Variants in ALK observed in about 807,000 individuals in gnomAD.
ALK encodes the protein ALK receptor tyrosine kinase.
Under a neutral mutation model 163.1 loss-of-function variants are expected in ALK, and 74 were observed. That is an observed-to-expected ratio of 0.45 (90% CI 0.38 to 0.55). ALK has a LOEUF of 0.55. Ranked by LOEUF, ALK falls within the 20% of genes least tolerant of loss-of-function variation. The pLI is 0.00. For synonymous variants in ALK, 960 were observed against 843.2 expected (o/e 1.14, Z -2.40); for missense variants, 2,063 against 2,105.3 (o/e 0.98, Z 0.39).
chr2:29,599,541 G>C (rs1675317608), intron 3 of ALK, among the ~76,000 whole-genome samples: 1 of 152,160 alleles, frequency 6.6e-6, no homozygotes, highest in African/African-American at 2.4e-5. Context: ...GTGTGACCAG[G>C]GCTTTGTTTG....
chr2:29,202,034 C>A lies in ALK; in HGVS notation c.3939-4358G>T, dbSNP rs537046478. ...ATGGTGTTTAGAATAAAATCCACAT[C>A]CCCCATCTGAGTTCCAAGGCCGTCT... On this transcript the variant is annotated intron_variant, in intron 26 of 28. Transcript: ENST00000389048. Among the ~76,000 whole-genome samples, 6 of 152,264 alleles carry A rather than the reference C, an allele frequency of 3.9e-5. No individual in the cohort carries two copies. The South Asian group carries it at 6.2e-4, about 16-fold the overall frequency.
At chr2:29,664,587 C>T (rs1677452605) in intron 3 of ALK, among the ~76,000 whole-genome samples, 2 of 152,122 alleles carry the variant, frequency 1.3e-5, no homozygotes, top group Non-Finnish European at 2.9e-5. Context: ...TATTTATGTC[C>T]TTCTATTGTC....
chr2:29,267,962 G>A (rs1255353656), intron 11 of ALK, among the ~76,000 whole-genome samples: 2 of 152,326 alleles, frequency 1.3e-5, no homozygotes, highest in African/African-American at 2.4e-5. Context: ...AAGGCATACT[G>A]AGCCCAGAGT....
At chr2:29,394,654 G>T (rs1669260227) in intron 4 of ALK, among the ~76,000 whole-genome samples, 1 of 152,154 alleles carries the variant, frequency 6.6e-6, no homozygotes, top group Non-Finnish European at 1.5e-5. Context: ...CAATCTTTCT[G>T]GCAGGGTGGG....
intron 4 of ALK, among the ~76,000 whole-genome samples, chr2:29,457,147 G>A (rs1383942064): frequency 6.6e-6 from 1 of 152,074 alleles, no homozygotes; most frequent in African/African-American, 2.4e-5. Context: ...GTACCTCTCT[G>A]GGTCTGAAAA....
At chr2:29,332,992 C>A (rs1667490957) in intron 5 of ALK, among the ~76,000 whole-genome samples, 1 of 152,234 alleles carries the variant, frequency 6.6e-6, no homozygotes, top group Non-Finnish European at 1.5e-5. Flanking sequence ...TTCATACAGG[C>A]ACATCCCTCA....
At chr2:29,408,688 A>AT (rs751027093) in intron 4 of ALK, among the ~76,000 whole-genome samples, 3 of 152,170 alleles carry the variant, frequency 2.0e-5, no homozygotes, top group Admixed American at 1.3e-4. Flanking sequence ...TGATCAAACT[A>AT]TTTTTTCTCT....
chr2:29,662,843 C>T (rs1044597123), intron 3 of ALK, among the ~76,000 whole-genome samples: 3 of 152,064 alleles, frequency 2.0e-5, no homozygotes, highest in Admixed American at 2.0e-4. Context: ...CATGTTTAAC[C>T]CTTGCTACAT....
At chr2:29,239,964 C>T (rs1185275525) in intron 12 of ALK, 134 bp from the exon 13 acceptor site, 3 of 1,057,822 alleles carry the variant, frequency 2.8e-6, no homozygotes, top group Non-Finnish European at 4.0e-6. Flanking sequence ...TCAGTCCCTG[C>T]AGAAAGGGAT....
At chr2:29,414,366 G>A (rs1326820232) in intron 4 of ALK, among the ~76,000 whole-genome samples, 3 of 152,136 alleles carry the variant, frequency 2.0e-5, no homozygotes, top group Admixed American at 6.5e-5. Flanking sequence ...CAGGCAAAAC[G>A]GACCCAGAAA....
intron 1 of ALK, among the ~76,000 whole-genome samples, chr2:29,904,769 T>C (rs778783355): frequency 1.3e-5 from 2 of 152,208 alleles, no homozygotes; most frequent in Non-Finnish European, 2.9e-5. Flanking sequence ...CAATGTAATA[T>C]CCTCTCCTTT....
chr2:29,667,967 C>T (rs1369427150), intron 3 of ALK, among the ~76,000 whole-genome samples: 1 of 152,036 alleles, frequency 6.6e-6, no homozygotes, highest in Non-Finnish European at 1.5e-5. Flanking sequence ...TCTCATTACT[C>T]ATTATTAGTT....
chr2:29,729,729 G>A (rs1359760497), intron 1 of ALK, among the ~76,000 whole-genome samples: 1 of 152,204 alleles, frequency 6.6e-6, no homozygotes, highest in African/African-American at 2.4e-5. Context: ...AAGGAATGTG[G>A]AAGCTGTTAT....
chr2:29,406,768 T>C (rs1215710272), intron 4 of ALK, among the ~76,000 whole-genome samples: 2 of 151,812 alleles, frequency 1.3e-5, no homozygotes, highest in African/African-American at 4.8e-5. Context: ...GGCATGGTGG[T>C]GCACTCCTGT....
chr2:29,479,585 C>T (rs555607986), intron 4 of ALK, among the ~76,000 whole-genome samples: 5 of 152,324 alleles, frequency 3.3e-5, no homozygotes, highest in Non-Finnish European at 7.4e-5. Flanking sequence ...TTGCAAATCT[C>T]CTTTAGGATA....
intron 11 of ALK, among the ~76,000 whole-genome samples, chr2:29,257,500 G>T (rs987335172): frequency 1.3e-5 from 2 of 152,064 alleles, no homozygotes; most frequent in Admixed American, 1.3e-4. Context: ...GACAATGATT[G>T]TCCTGGTTTT....
chr2:29,858,956 CG>C, intron 1 of ALK, among the ~76,000 whole-genome samples: 1 of 152,160 alleles, frequency 6.6e-6, no homozygotes, highest in East Asian at 1.9e-4. Flanking sequence ...TTGCTTGAAC[CG>C]AGGAGGTGGA....
Position 29,227,542 on chromosome 2 carries a change from A to C in ALK, c.2914+32T>G. ...GCTTGGTGGGAGGACTGACCTAAGC[A>C]AGTTTGTTCTGCTGCCTGGCAGAGA... On this transcript the variant is annotated intron_variant, in intron 17 of 28. Coordinates refer to ENST00000389048, the MANE Select transcript of ALK (RefSeq NM_004304.5). The surrounding 1 kb of genome is among the most constrained non-coding windows in gnomAD (Gnocchi z 4.4). The C allele has an allele frequency of 6.4e-7, 1 of 1,571,394 alleles. No homozygotes were observed. The highest frequency in any genetic ancestry group is 8.8e-7 in the Non-Finnish European group (1 of 1,141,134).
intron 1 of ALK, among the ~76,000 whole-genome samples, chr2:29,777,317 T>G (rs1572370339): frequency 6.6e-6 from 1 of 151,942 alleles, no homozygotes; most frequent in South Asian, 2.1e-4. Flanking sequence ...GAGACCAGGG[T>G]CTCTTGAAAT....
Sources: gnomAD v4.1 joint callset for allele counts (sites outside exome capture counted in the v4.1 genomes callset) on GRCh38, gnomAD v4.1.1 for gene constraint, Gnocchi (gnomAD v3.1) non-coding constraint, MANE v1.5 for transcripts, NCBI Gene and HGNC (gene_info 2026-07-23, HGNC 2026-07-21) for gene names.